Variants in ANKFY1 observed in about 807,000 individuals in gnomAD.
ANKFY1 encodes the protein ankyrin repeat and FYVE domain-containing protein 1.
Under a neutral mutation model 128.3 loss-of-function variants are expected in ANKFY1, and 47 were observed. The ratio of observed to expected loss-of-function variants is 0.37; its 90% CI spans 0.29 to 0.47. The LOEUF (loss-of-function observed/expected upper bound fraction) is 0.47, where lower values mean the gene tolerates loss of function less well. Ranked by LOEUF, ANKFY1 falls within the 20% of genes least tolerant of loss-of-function variation. The pLI is 1.00. For missense variants in ANKFY1, 1,222 were observed against 1,510.6 expected (o/e 0.81, Z 3.17); for synonymous variants, 553 against 601.6 (o/e 0.92, Z 1.18).
At chr17:4,229,687 T>C (rs373901881) in intron 3 of ANKFY1, among the ~76,000 whole-genome samples, 1 of 152,038 alleles carries the variant, frequency 6.6e-6, no homozygotes, top group Non-Finnish European at 1.5e-5. Flanking sequence ...GCAGATAAAA[T>C]AGATTATTTT....
At chr17:4,217,727 C>G (rs2060244924) in intron 3 of ANKFY1, among the ~76,000 whole-genome samples, 1 of 152,128 alleles carries the variant, frequency 6.6e-6, no homozygotes, top group African/African-American at 2.4e-5. Flanking sequence ...CTACGTCACC[C>G]AGGCTGGAAT....
intron 1 of ANKFY1, among the ~76,000 whole-genome samples, chr17:4,259,632 A>C (rs1313364373): frequency 2.6e-5 from 4 of 152,198 alleles, no homozygotes; most frequent in African/African-American, 7.2e-5. Flanking sequence ...GATGAAAAGT[A>C]GGTTAGGTAG....
intron 1 of ANKFY1, among the ~76,000 whole-genome samples, chr17:4,251,651 C>T (rs745455638): frequency 2.6e-5 from 4 of 151,220 alleles, no homozygotes; most frequent in Non-Finnish European, 5.9e-5. Flanking sequence ...AGAAACATGG[C>T]TAAATTTGAC....
intron 8 of ANKFY1, 116 bp downstream of exon 8, chr17:4,197,257 T>C (rs2059842606): frequency 5.6e-6 from 6 of 1,077,138 alleles, no homozygotes; most frequent in Non-Finnish European, 8.3e-6. Flanking sequence ...TTAATGAAAA[T>C]AAGACTGAAT....
chr17:4,166,122 T>G lies in ANKFY1; in HGVS notation c.*1657A>C, dbSNP rs2059206412. The G allele has an allele frequency of 6.6e-6, 1 of 152,358 alleles. No individual in the cohort carries two copies. The highest frequency in any genetic ancestry group is 2.1e-4 in the South Asian group (1 of 4,830). The allele number at this position is 152,358 out of a possible 1,614,324, so 9.4% of individuals were successfully genotyped here. A position where few individuals can be genotyped will look rare whatever the true frequency, so the allele number is the denominator to read the frequency against. ...CATTGTGCACAAGCTTATATTCACA[T>G]AGAAAGCATATACATCTTATAAATC... On this transcript the variant is annotated 3_prime_UTR_variant, in exon 25 of 25. Coordinates refer to ENST00000341657, the MANE Select transcript of ANKFY1 (RefSeq NM_001330063.2).
At chr17:4,263,860 G>T in intron 1 of ANKFY1, 72 bp downstream of exon 1, 3 of 1,612,808 alleles carry the variant, frequency 1.9e-6, no homozygotes, top group Non-Finnish European at 1.7e-6. Context: ...CCCCTCCCAC[G>T]GCAGCTTCGC....
In ANKFY1 at chr17:4,217,034, G is replaced by C. The variant is rs1161949745; in HGVS notation, c.407C>G (p.Thr136Ser). 2 of 1,614,136 alleles carry C rather than the reference G, an allele frequency of 1.2e-6. No homozygotes were observed. The highest frequency in any genetic ancestry group is 1.7e-5 in the Admixed American group (1 of 60,018). The change falls in exon 4 of 25, where the codon ACT becomes AGT. Residue 136 changes from threonine to serine, a missense_variant. Physicochemically the swap from Thr to Ser is moderately conservative, Grantham distance 58 (BLOSUM62 1). Coordinates refer to ENST00000341657, the MANE Select transcript of ANKFY1 (RefSeq NM_001330063.2). ...LEFREDDVFL[T>S]ELMKLANRFQ... ...CCGATTTGCTAGTTTCATCAGTTCAGTCAGGAACACATCATCCTCTCTGAA... is the reference window on the plus strand; with the variant it reads ...CCGATTTGCTAGTTTCATCAGTTCACTCAGGAACACATCATCCTCTCTGAA...
chr17:4,233,169 G>A (rs1047305140), intron 3 of ANKFY1, among the ~76,000 whole-genome samples: 1 of 152,134 alleles, frequency 6.6e-6, no homozygotes, highest in South Asian at 2.1e-4. Context: ...TCAAAAGATG[G>A]TAGCTTATTC....
intron 4 of ANKFY1, 76 bp from the exon 5 acceptor site, chr17:4,210,023 T>C (rs1489405203): frequency 6.9e-7 from 1 of 1,446,756 alleles, no homozygotes; most frequent in African/African-American, 1.4e-5. Flanking sequence ...GCGATCATCT[T>C]TGTACTGGCT....
At chr17:4,210,174 C>A (rs2060099575) in intron 4 of ANKFY1, among the ~76,000 whole-genome samples, 1 of 152,144 alleles carries the variant, frequency 6.6e-6, no homozygotes, top group Admixed American at 6.5e-5. Flanking sequence ...ATCAAAATAA[C>A]ATGCAAATAA....
At chr17:4,218,033 G>C (rs2060249816) in intron 3 of ANKFY1, among the ~76,000 whole-genome samples, 1 of 152,148 alleles carries the variant, frequency 6.6e-6, no homozygotes, top group Admixed American at 6.5e-5. Context: ...AAAATAAAAA[G>C]ACGGATACCC....
intron 1 of ANKFY1, among the ~76,000 whole-genome samples, chr17:4,243,359 C>A (rs993700549): frequency 2.6e-5 from 4 of 151,520 alleles, no homozygotes; most frequent in Non-Finnish European, 5.9e-5. Flanking sequence ...AGCTACCGCG[C>A]CCAGCCTCTT....
chr17:4,173,835 C>T, intron 20 of ANKFY1, 74 bp downstream of exon 20: 1 of 1,545,866 alleles, frequency 6.5e-7, no homozygotes, highest in Non-Finnish European at 8.8e-7. Flanking sequence ...GGGGAGCAGA[C>T]CCAAGGGTGC....
At chr17:4,172,406 A>G in intron 22 of ANKFY1, 150 bp downstream of exon 22, 1 of 1,103,354 alleles carries the variant, frequency 9.1e-7, no homozygotes, top group Non-Finnish European at 1.3e-6. Flanking sequence ...CAGACTCCAC[A>G]ACAGGGCTCT....
intron 3 of ANKFY1, among the ~76,000 whole-genome samples, chr17:4,233,922 C>G (rs999295377): frequency 1.3e-5 from 2 of 152,338 alleles, no homozygotes; most frequent in East Asian, 3.9e-4. Flanking sequence ...TTCGGCAAGT[C>G]CAGTCATAAG....
chr17:4,171,001 G>A (rs1278616170), intron 22 of ANKFY1, 140 bp from the exon 23 acceptor site: 2 of 1,180,982 alleles, frequency 1.7e-6, no homozygotes, highest in African/African-American at 3.0e-5. Context: ...ACATACGGGG[G>A]CCCCGAGGCT....
Position 4,178,706 on chromosome 17 carries a change from A to T in ANKFY1, c.2598+151T>A. The stretch of plus-strand genomic sequence containing the variant: ...CCGGATCTCATCCTGCACGGATGGG[A>T]CATCTCAACAGCCACATCTTAGGAC... On this transcript the variant is annotated intron_variant, in intron 18 of 24. Transcript: ENST00000341657. This position sits in a 1 kb window ranked among gnomAD's most constrained non-coding sequence, Gnocchi z 4.1. 1.3e-6 allele frequency: 1 copy of T among 750,892 alleles called. No homozygotes were observed. The highest frequency in any genetic ancestry group is 2.2e-6 in the Non-Finnish European group (1 of 451,638). 46.5% of individuals were successfully genotyped at this position (750,892 alleles called of 1,614,324 possible). A position where few individuals can be genotyped will look rare whatever the true frequency, so the allele number is the denominator to read the frequency against.
At chr17:4,206,566 A>C in intron 6 of ANKFY1, 80 bp from the exon 7 acceptor site, 1 of 1,302,856 alleles carries the variant, frequency 7.7e-7, no homozygotes, top group South Asian at 1.3e-5. Flanking sequence ...TTGACCCTTA[A>C]ATATCATCTC....
At chr17:4,252,499 T>C (rs1314448390) in intron 1 of ANKFY1, among the ~76,000 whole-genome samples, 1 of 151,544 alleles carries the variant, frequency 6.6e-6, no homozygotes, top group Non-Finnish European at 1.5e-5. Context: ...AGCCCAGGAG[T>C]TCGAGGCTGC....
Sources: allele counts gnomAD v4.1 joint callset (sites outside exome capture counted in the v4.1 genomes callset), GRCh38; gene constraint gnomAD v4.1.1; non-coding constraint Gnocchi (gnomAD v3.1); transcripts MANE v1.5; gene names NCBI Gene and HGNC (gene_info 2026-07-23, HGNC 2026-07-21).